Variants in TMEM232 observed in about 807,000 individuals in gnomAD.
TMEM232 encodes the protein transmembrane protein 232.
In TMEM232, 80 loss-of-function variants were observed where a neutral mutation model predicts 78.8. That is an observed-to-expected ratio of 1.01 (90% CI 0.85 to 1.22). The LOEUF is 1.22. Ranked by LOEUF, TMEM232 falls within the 50% of genes most tolerant of loss-of-function variation. The pLI, the probability that TMEM232 is intolerant of heterozygous loss-of-function variation, is 0.00. For synonymous variants in TMEM232, 297 were observed against 254.3 expected, an observed-to-expected ratio of 1.17 and a Z score of -1.60; for missense variants, 881 against 742.2, an observed-to-expected ratio of 1.19 and a Z score of -2.17.
At chr5:110,545,107 C>A (rs1032446930) in intron 11 of TMEM232, among the ~76,000 whole-genome samples, 2 of 152,060 alleles carry the variant, frequency 1.3e-5, no homozygotes, top group African/African-American at 4.8e-5. Flanking sequence ...TTTTATAGTA[C>A]AGTCTCTAGC....
At chr5:110,432,252 T>C (rs1757938674) in intron 12 of TMEM232, among the ~76,000 whole-genome samples, 1 of 151,598 alleles carries the variant, frequency 6.6e-6, no homozygotes, top group African/African-American at 2.4e-5. Flanking sequence ...ATATTGCCTG[T>C]AAAGAGAAAC....
chr5:110,401,707 A>T (rs1755605298), intron 2 of TMEM232, among the ~76,000 whole-genome samples: 1 of 151,978 alleles, frequency 6.6e-6, no homozygotes, highest in African/African-American at 2.4e-5. Context: ...CAGAATGTAT[A>T]TTTTTTTTCC....
At chr5:110,710,962 AAG>A (rs1796415107) in intron 1 of TMEM232, among the ~76,000 whole-genome samples, 1 of 152,336 alleles carries the variant, frequency 6.6e-6, no homozygotes, top group East Asian at 1.9e-4. Flanking sequence ...ATTGGAAAGA[AAG>A]AAATCAAATT....
At chr5:110,477,924 T>C (rs1346864873) in intron 12 of TMEM232, among the ~76,000 whole-genome samples, 2 of 151,938 alleles carry the variant, frequency 1.3e-5, no homozygotes, top group Non-Finnish European at 2.9e-5. Flanking sequence ...GTGACAACAT[T>C]TTATTTCATT....
intron 1 of TMEM232, among the ~76,000 whole-genome samples, chr5:110,697,277 C>A (rs369743631): frequency 4.1e-4 from 63 of 152,282 alleles, no homozygotes; most frequent in African/African-American, 1.4e-3. Flanking sequence ...CCCTTCCTTA[C>A]ACCTTATACA....
In TMEM232 at chr5:110,599,506, A is replaced by C. The variant is rs532275400; in HGVS notation, c.1276+5603T>G. Among the ~76,000 whole-genome samples the C allele has an allele frequency of 3.1e-3, 469 of 152,222 alleles. 3 individuals are homozygous for C. Among genetic ancestry groups the C allele is most frequent in the African/African-American group, 0.011 (446 of 41,570 alleles). ...CCAAGCAAATGGAAAGCAAAAATGC[A>C]GGGATTGCAATCCTAGTCTCTGATG... On this transcript the variant is annotated intron_variant, in intron 10 of 13. Transcript: ENST00000455884.
chr5:110,568,394 C>G, intron 11 of TMEM232, 53 bp downstream of exon 11: 1 of 1,433,112 alleles, frequency 7.0e-7, no homozygotes, highest in South Asian at 1.4e-5. Flanking sequence ...GAAATGACAA[C>G]CGTGCTTCCT....
chr5:110,548,526 G>A (rs536690791), intron 11 of TMEM232, among the ~76,000 whole-genome samples: 9 of 151,394 alleles, frequency 5.9e-5, no homozygotes, highest in Admixed American at 6.6e-5. Context: ...ACCACCAAAC[G>A]AGTAAAGGGG....
chr5:110,639,789 A>C (rs1446858596), intron 4 of TMEM232, among the ~76,000 whole-genome samples: 9 of 152,210 alleles, frequency 5.9e-5, no homozygotes. Context: ...GTTTTGTCTC[A>C]CAAGGAGCAC....
intron 11 of TMEM232, among the ~76,000 whole-genome samples, chr5:110,545,293 G>A (rs1773637812): frequency 1.3e-5 from 2 of 152,008 alleles, no homozygotes; most frequent in South Asian, 4.1e-4. Context: ...CATGGATGAT[G>A]ATGGTGGTAG....
At chr5:110,518,179 C>A (rs1227726830) in intron 12 of TMEM232, among the ~76,000 whole-genome samples, 1 of 151,962 alleles carries the variant, frequency 6.6e-6, no homozygotes, top group Admixed American at 6.6e-5. Flanking sequence ...TGTGTCCCAG[C>A]AGGCACTATT....
At chr5:110,596,398 G>A (rs1382005792) in intron 10 of TMEM232, among the ~76,000 whole-genome samples, 56 of 152,158 alleles carry the variant, frequency 3.7e-4, no homozygotes, top group Non-Finnish European at 1.5e-5. Flanking sequence ...AAAGAGTCCA[G>A]GACCAGATGG....
intron 12 of TMEM232, among the ~76,000 whole-genome samples, chr5:110,458,414 G>C (rs1210406953): frequency 6.6e-6 from 1 of 152,058 alleles, no homozygotes; most frequent in Non-Finnish European, 1.5e-5. Flanking sequence ...TCAGTTACTA[G>C]TTTAGGGATT....
chr5:110,683,879 G>A (rs1160922206), intron 1 of TMEM232, among the ~76,000 whole-genome samples: 1 of 151,934 alleles, frequency 6.6e-6, no homozygotes, highest in Non-Finnish European at 1.5e-5. Flanking sequence ...TCTCAGAAGA[G>A]CAAGGATGAT....
chr5:110,695,498 A>G (rs545595953), intron 1 of TMEM232, among the ~76,000 whole-genome samples: 1 of 152,214 alleles, frequency 6.6e-6, no homozygotes, highest in Non-Finnish European at 1.5e-5. Flanking sequence ...CCCTCAAAAA[A>G]TCAATGAATC....
chr5:110,410,709 G>A (rs1007678874), intron 2 of TMEM232, among the ~76,000 whole-genome samples: 1 of 152,166 alleles, frequency 6.6e-6, no homozygotes, highest in Non-Finnish European at 1.5e-5. Flanking sequence ...ATTTTCAGGT[G>A]TATAAACTCA....
intron 11 of TMEM232, among the ~76,000 whole-genome samples, chr5:110,549,605 CAAAA>C (rs1209595068): frequency 2.2e-5 from 1 of 45,448 alleles, no homozygotes; most frequent in Non-Finnish European, 4.6e-5. Flanking sequence ...GTCCCTGTCT[CAAAA>C]AAAAAAAAAA....
At position 110,568,448 on chromosome 5, in the gene TMEM232, T is replaced by C; in HGVS notation, c.1454A>G (p.Gln485Arg). The change falls in exon 11 of 14, where the codon CAG becomes CGG. Residue 485 changes from glutamine to arginine, a missense_variant and splice_region_variant. Gln to Arg is a conservative substitution (Grantham distance 43). Transcript: ENST00000455884. Reference protein sequence around the residue: ...VRIQNAINIAQAELNDPTDPF... With the variant: ...VRIQNAINIARAELNDPTDPF... Reference sequence around the variant, plus strand: ...TTATTGCCCAGTGTTTTACCTTACCTGAGCTATATTGATTGCATTTTGGAT... The same window carrying C: ...TTATTGCCCAGTGTTTTACCTTACCCGAGCTATATTGATTGCATTTTGGAT... 1 of 1,535,800 alleles carries C rather than the reference T, an allele frequency of 6.5e-7. No homozygotes were observed. The highest frequency in any genetic ancestry group is 8.8e-7 in the Non-Finnish European group (1 of 1,139,700).
intron 2 of TMEM232, among the ~76,000 whole-genome samples, chr5:110,732,211 T>C (rs531838956): frequency 2.6e-5 from 4 of 152,330 alleles, no homozygotes; most frequent in Admixed American, 2.6e-4. Context: ...CAGCATTTTG[T>C]CAAAGCCACT....
Sources: allele counts gnomAD v4.1 joint callset (sites outside exome capture counted in the v4.1 genomes callset), GRCh38; gene constraint gnomAD v4.1.1; transcripts MANE v1.5; gene names NCBI Gene and HGNC (gene_info 2026-07-23, HGNC 2026-07-21).